The following KCNN2 variants were observed in gnomAD, a reference collection of about 807,000 sequenced individuals.
KCNN2 encodes the protein potassium calcium-activated channel subfamily N member 2.
In KCNN2, 24 loss-of-function variants were observed where a neutral mutation model predicts 55.5. That is an observed-to-expected ratio of 0.43 (90% confidence interval 0.31 to 0.61). The LOEUF is 0.61. KCNN2 is among the 20% of genes least tolerant of loss of function. KCNN2 has a pLI of 0.08. For synonymous variants in KCNN2, 431 were observed against 336.1 expected (o/e 1.28, Z -3.09); for missense variants, 754 against 853.6 (o/e 0.88, Z 1.45).
chr5:114,335,888 C>T (rs930620387), intron 2 of KCNN2, among the ~76,000 whole-genome samples: 5 of 152,080 alleles, frequency 3.3e-5, no homozygotes, highest in African/African-American at 9.7e-5. Flanking sequence ...TCAGAAACTA[C>T]GAGGTCATGT....
At chr5:114,084,077 T>C (rs1449941784) in intron 1 of KCNN2, among the ~76,000 whole-genome samples, 3 of 152,146 alleles carry the variant, frequency 2.0e-5, no homozygotes, top group Non-Finnish European at 2.9e-5. Context: ...CTCTAGTCAC[T>C]TTTTGAAGGA....
intron 6 of KCNN2, among the ~76,000 whole-genome samples, chr5:114,488,361 A>G (rs1401079553): frequency 6.6e-6 from 1 of 152,092 alleles, no homozygotes; most frequent in African/African-American, 2.4e-5. Flanking sequence ...TAGTGATGCT[A>G]TTTCCTCTGT....
At chr5:114,318,697 G>A (rs543730795) in intron 2 of KCNN2, among the ~76,000 whole-genome samples, 2 of 151,672 alleles carry the variant, frequency 1.3e-5, no homozygotes, top group Non-Finnish European at 2.9e-5. Flanking sequence ...CATTCTTTCT[G>A]TAATCTAGAT....
At chr5:114,476,435 A>G (rs868438839) in intron 5 of KCNN2, among the ~76,000 whole-genome samples, 1 of 140,074 alleles carries the variant, frequency 7.1e-6, no homozygotes, top group Non-Finnish European at 1.6e-5. Flanking sequence ...TGACAGATCC[A>G]TTTTTTTTTT....
chr5:114,081,229 C>G (rs1750810995), intron 1 of KCNN2, among the ~76,000 whole-genome samples: 1 of 152,096 alleles, frequency 6.6e-6, no homozygotes, highest in African/African-American at 2.4e-5. Context: ...CCAAAATCTA[C>G]AGATTCAATG....
At chr5:114,077,747 C>A (rs1750711546) in intron 1 of KCNN2, among the ~76,000 whole-genome samples, 1 of 152,184 alleles carries the variant, frequency 6.6e-6, no homozygotes. Context: ...AGCAGTTACA[C>A]TGAGGCACAG....
intron 2 of KCNN2, among the ~76,000 whole-genome samples, chr5:114,272,334 A>C (rs1283380665): frequency 4.3e-5 from 5 of 116,830 alleles, no homozygotes; most frequent in African/African-American, 2.0e-4. Context: ...ATGTACATAT[A>C]CACACATATA....
intron 1 of KCNN2, among the ~76,000 whole-genome samples, chr5:114,058,249 T>G (rs1369139256): frequency 2.6e-5 from 4 of 152,062 alleles, no homozygotes; most frequent in African/African-American, 9.7e-5. Flanking sequence ...GGGGTGTGTG[T>G]GTGTGTGTAT....
chr5:114,445,531 C>T (rs966060157), intron 3 of KCNN2, among the ~76,000 whole-genome samples: 2 of 152,178 alleles, frequency 1.3e-5, no homozygotes, highest in African/African-American at 4.8e-5. Context: ...TGTTTTAAAA[C>T]TATTTCTATG....
At chr5:114,420,036 C>T (rs1477557616) in intron 3 of KCNN2, among the ~76,000 whole-genome samples, 1 of 152,200 alleles carries the variant, frequency 6.6e-6, no homozygotes, top group African/African-American at 2.4e-5. Context: ...ACAGAGAATG[C>T]AGTAAGATAT....
chr5:114,082,286 T>G (rs1455701992), intron 1 of KCNN2, among the ~76,000 whole-genome samples: 1 of 149,260 alleles, frequency 6.7e-6, no homozygotes, highest in African/African-American at 2.5e-5. Context: ...ATTGTGCCAC[T>G]ACACTCCAGC....
intron 1 of KCNN2, among the ~76,000 whole-genome samples, chr5:114,188,769 A>G (rs890815265): frequency 1.9e-4 from 29 of 152,308 alleles, no homozygotes; most frequent in African/African-American, 6.5e-4. Context: ...CAAGTTCATC[A>G]TGTTGAAAAT....
At chr5:114,106,642 TG>T (rs55692626) in intron 1 of KCNN2, among the ~76,000 whole-genome samples, 20,792 of 144,594 alleles carry the variant, frequency 0.14, 1,841 homozygotes, top group Non-Finnish European at 0.2. Context: ...ATTTTCCAGT[TG>T]TTTTTTTTTT....
chr5:114,321,299 T>C (rs1300825148), intron 2 of KCNN2, among the ~76,000 whole-genome samples: 2 of 152,156 alleles, frequency 1.3e-5, no homozygotes, highest in Non-Finnish European at 2.9e-5. Context: ...CTTGTGTTCA[T>C]GTGTGCCCCC....
chr5:114,491,402 A>T (rs1747845133), intron 6 of KCNN2, among the ~76,000 whole-genome samples: 2 of 152,106 alleles, frequency 1.3e-5, no homozygotes, highest in Admixed American at 1.3e-4. Flanking sequence ...AAAAAATATT[A>T]CGAAGAAAGG....
chr5:114,250,753 A>G (rs1561540749), intron 2 of KCNN2, among the ~76,000 whole-genome samples: 2 of 152,174 alleles, frequency 1.3e-5, no homozygotes, highest in African/African-American at 4.8e-5. Flanking sequence ...TTTGGGCCAC[A>G]CTTAGAGCCA....
intron 2 of KCNN2, among the ~76,000 whole-genome samples, chr5:114,242,886 C>T (rs1371118243): frequency 6.6e-6 from 1 of 152,114 alleles, no homozygotes; most frequent in Admixed American, 6.5e-5. Flanking sequence ...ATTCTTTTGG[C>T]AGTAAATGAG....
chr5:114,346,291 G>A (rs1757102822), intron 2 of KCNN2, among the ~76,000 whole-genome samples: 1 of 152,056 alleles, frequency 6.6e-6, no homozygotes, highest in Non-Finnish European at 1.5e-5. Context: ...CTCCCACCAG[G>A]CCCCACCTCC....
intron 2 of KCNN2, among the ~76,000 whole-genome samples, chr5:114,319,124 G>T (rs1397015194): frequency 6.6e-6 from 1 of 152,090 alleles, no homozygotes; most frequent in African/African-American, 2.4e-5. Context: ...TGATTACCAA[G>T]AATAGGGGAG....
Sources: allele counts gnomAD v4.1 joint callset (sites outside exome capture counted in the v4.1 genomes callset), GRCh38; gene constraint gnomAD v4.1.1; transcripts MANE v1.5; gene names NCBI Gene and HGNC (gene_info 2026-07-23, HGNC 2026-07-21).